The following KLHDC4 variants were observed in gnomAD, a reference collection of about 807,000 sequenced individuals.
The protein encoded by KLHDC4 is kelch domain containing 4.
KLHDC4 carries 90 observed loss-of-function variants against 62.4 expected under a neutral mutation model. The observed-to-expected ratio is 1.44, with a 90% confidence interval of 1.22 to 1.72. The LOEUF (loss-of-function observed/expected upper bound fraction) is 1.72, where lower values mean the gene tolerates loss of function less well. Ranked by LOEUF, KLHDC4 falls within the 40% of genes most tolerant of loss-of-function variation. KLHDC4 has a pLI of 0.00. For synonymous variants in KLHDC4, 386 were observed against 284.4 expected (o/e 1.36, Z -3.59); for missense variants, 1,025 against 699.7 (o/e 1.47, Z -5.25).
At chr16:87,753,791 G>C (rs921577192) in intron 4 of KLHDC4, among the ~76,000 whole-genome samples, 1 of 144,252 alleles carries the variant, frequency 6.9e-6, no homozygotes, top group Non-Finnish European at 1.5e-5. Context: ...ACAAGAGAGA[G>C]ACTCCATCTC....
intron 2 of KLHDC4, among the ~76,000 whole-genome samples, chr16:87,759,027 T>C (rs1258727897): frequency 6.6e-6 from 1 of 151,856 alleles, no homozygotes; most frequent in Non-Finnish European, 1.5e-5. Flanking sequence ...AATACAAAAT[T>C]AGCCAGGCAT....
chr16:87,726,835 G>C lies in KLHDC4; in HGVS notation c.689C>G (p.Pro230Arg), dbSNP rs753268481. Residue 230 changes from proline (P) to arginine (R), a missense_variant, in exon 7 of 12, where the codon CCC becomes CGC. Transcript: ENST00000270583. ...GACGGACATCTGGCAGCCTGATCTG[G>C]GTGTGGGCCCCGTCCCTGACGGGGA... Reference protein sequence around the residue: ...KLSPSGTGPTPRSGCQMSVTP... With the variant: ...KLSPSGTGPTRRSGCQMSVTP... The C allele has an allele frequency of 1.2e-5, 19 of 1,612,768 alleles. No individual in the cohort carries two copies. The highest frequency in any genetic ancestry group is 3.4e-6 in the Non-Finnish European group (4 of 1,179,546).
chr16:87,731,080 T>C (rs1197729162), intron 5 of KLHDC4: 1 of 105,848 alleles, frequency 9.4e-6, no homozygotes, highest in Non-Finnish European at 1.8e-5. Context: ...TTTTTTTTTT[T>C]TGAGATGGAC....
At chr16:87,719,824 G>A (rs1025455789) in intron 7 of KLHDC4, among the ~76,000 whole-genome samples, 2 of 152,188 alleles carry the variant, frequency 1.3e-5, no homozygotes, top group East Asian at 1.9e-4. Flanking sequence ...GAGGGTGAGC[G>A]CAACAGGGCT....
chr16:87,760,606 CAAAAAAAAAAAA>C (rs546426686), intron 2 of KLHDC4, among the ~76,000 whole-genome samples: 1 of 52,162 alleles, frequency 1.9e-5, no homozygotes, highest in Non-Finnish European at 3.8e-5. Flanking sequence ...GACTCCGTCC[CAAAAAAAAAAAA>C]AAAAAAAAGT....
At chr16:87,701,233 G>A (rs2034130262) in exon 1 of KLHDC4, 1 of 227,650 alleles carries the variant, frequency 4.4e-6, no homozygotes. Flanking sequence ...GCAGAGGCGG[G>A]GGCTGGCACC....
At position 87,725,155 on chromosome 16, in the gene KLHDC4, A is replaced by G. The variant is rs189334861; in HGVS notation, c.759+1610T>C. Among the ~76,000 whole-genome samples the G allele has an allele frequency of 1.0e-3, 159 of 152,156 alleles. 1 individual carries two copies. The East Asian group carries it at 0.026, about 25-fold the overall frequency. Reference sequence around the variant, plus strand: ...TCTATTACGGTGGGAAAATCAGAGCAGCGTCACCTCTGGGCGGAGGGGAGG... The same window carrying G: ...TCTATTACGGTGGGAAAATCAGAGCGGCGTCACCTCTGGGCGGAGGGGAGG... On this transcript the variant is annotated intron_variant, in intron 7 of 11. Coordinates refer to ENST00000270583, the MANE Select transcript of KLHDC4 (RefSeq NM_017566.4).
intron 7 of KLHDC4, among the ~76,000 whole-genome samples, chr16:87,721,377 G>A (rs1344369931): frequency 7.0e-6 from 1 of 142,100 alleles, no homozygotes; most frequent in Non-Finnish European, 1.5e-5. Flanking sequence ...TTGCCCCACT[G>A]CACTCCAGCC....
At chr16:87,724,753 G>C (rs2039039438) in intron 7 of KLHDC4, among the ~76,000 whole-genome samples, 1 of 152,166 alleles carries the variant, frequency 6.6e-6, no homozygotes, top group Admixed American at 6.5e-5. Context: ...CACTGCTTCG[G>C]GAAGAGAGCT....
intron 5 of KLHDC4, among the ~76,000 whole-genome samples, chr16:87,737,680 C>T (rs763401041): frequency 2.6e-5 from 4 of 151,726 alleles, no homozygotes; most frequent in Non-Finnish European, 5.9e-5. Flanking sequence ...CTCCACCTCC[C>T]GGGTTCAAGC....
At chr16:87,726,115 G>A (rs1217837467) in intron 7 of KLHDC4, among the ~76,000 whole-genome samples, 1 of 152,056 alleles carries the variant, frequency 6.6e-6, no homozygotes, top group Non-Finnish European at 1.5e-5. Context: ...GTAATCCCAT[G>A]TGAAAGCTTC....
Position 87,755,298 on chromosome 16 carries a change from G to T in KLHDC4, c.271-6C>A, listed in dbSNP as rs769244558. 6.6e-7 allele frequency: 1 copy of T among 1,509,924 alleles called. No individual in the cohort carries two copies. Among genetic ancestry groups the T allele is most frequent in the South Asian group, 1.1e-5 (1 of 88,464 alleles). 93.5% of individuals were successfully genotyped at this position (1,509,924 alleles called of 1,614,324 possible). On this transcript the variant is annotated splice_region_variant and splice_polypyrimidine_tract_variant and intron_variant, in intron 3 of 11. Coordinates refer to ENST00000270583, the MANE Select transcript of KLHDC4 (RefSeq NM_017566.4). ...AGCTCGTTATACAAAAAAGTCTACA[G>T]GAAGGAAGAAGAATGTCAGTGTCAC...
At chr16:87,756,072 A>G in intron 3 of KLHDC4, 1 of 211,312 alleles carries the variant, frequency 4.7e-6, no homozygotes, top group Non-Finnish European at 9.7e-6. Flanking sequence ...GACAACCTGA[A>G]AGCTGAGTGT....
chr16:87,725,526 T>C (rs1440365479), intron 7 of KLHDC4, among the ~76,000 whole-genome samples: 1 of 152,184 alleles, frequency 6.6e-6, no homozygotes, highest in Non-Finnish European at 1.5e-5. Context: ...CCCCGTAAAA[T>C]TCTTTCAAAA....
intron 6 of KLHDC4, among the ~76,000 whole-genome samples, chr16:87,728,126 A>G (rs115952447): frequency 0.037 from 5,688 of 152,296 alleles, 350 homozygotes; most frequent in African/African-American, 0.13. Flanking sequence ...GGTGGAGGCT[A>G]CAGTGAGCTG....
At chr16:87,737,106 C>CAAAAAAAAAAA (rs55787836) in intron 5 of KLHDC4, among the ~76,000 whole-genome samples, 3 of 64,822 alleles carry the variant, frequency 4.6e-5, no homozygotes, top group South Asian at 8.9e-4. Context: ...GCCTGGGCGA[C>CAAAAAAAAAAA]AAAAAAAAAA....
At chr16:87,745,379 G>A (rs544392463) in intron 5 of KLHDC4, among the ~76,000 whole-genome samples, 5 of 152,230 alleles carry the variant, frequency 3.3e-5, no homozygotes, top group African/African-American at 1.2e-4. Context: ...CCGCCCTGTG[G>A]TGCCTCTGCC....
chr16:87,722,295 G>A (rs2038535785), intron 7 of KLHDC4, among the ~76,000 whole-genome samples: 1 of 152,194 alleles, frequency 6.6e-6, no homozygotes, highest in African/African-American at 2.4e-5. Flanking sequence ...GGTGTTTAAA[G>A]TCCTCCCAAG....
At chr16:87,742,334 C>G (rs140369810) in intron 5 of KLHDC4, among the ~76,000 whole-genome samples, 184 of 152,336 alleles carry the variant, frequency 1.2e-3, no homozygotes, top group African/African-American at 4.0e-3. Flanking sequence ...ACCTGCCAAA[C>G]CACCGTTAAG....
Sources: allele counts gnomAD v4.1 joint callset (sites outside exome capture counted in the v4.1 genomes callset), GRCh38; gene constraint gnomAD v4.1.1; transcripts MANE v1.5; gene names NCBI Gene and HGNC (gene_info 2026-07-23, HGNC 2026-07-21).